The following KAZN variants were observed in gnomAD, a reference collection of about 807,000 sequenced individuals.
KAZN encodes the protein kazrin, periplakin interacting protein, also known as kazrin.
In KAZN, 40 loss-of-function variants were observed where a neutral mutation model predicts 87.4. The observed-to-expected ratio is 0.46, with a 90% CI of 0.36 to 0.60. The LOEUF (loss-of-function observed/expected upper bound fraction) is 0.60. Ranked by LOEUF, KAZN falls within the 20% of genes least tolerant of loss-of-function variation. KAZN has a pLI of 0.00. For synonymous variants in KAZN, 466 were observed against 458.3 expected (o/e 1.02, Z -0.22); for missense variants, 898 against 1,073.9 (o/e 0.84, Z 2.29).
chr1:14,085,359 G>A (rs887693450), intron 1 of KAZN, among the ~76,000 whole-genome samples: 4 of 152,046 alleles, frequency 2.6e-5, no homozygotes, highest in South Asian at 2.1e-4. Context: ...TGTAACCACC[G>A]CCACCAATGT....
chr1:14,649,091 C>A (rs72647639), intron 1 of KAZN, among the ~76,000 whole-genome samples: 95 of 152,300 alleles, frequency 6.2e-4, no homozygotes, highest in Non-Finnish European at 1.1e-3. Flanking sequence ...GCATGGAAGA[C>A]CAGAGACTGG....
intron 8 of KAZN, among the ~76,000 whole-genome samples, chr1:15,076,502 A>G (rs542714707): frequency 6.6e-6 from 1 of 152,270 alleles, no homozygotes; most frequent in Non-Finnish European, 1.5e-5. Context: ...TGGCTGTTGC[A>G]AAGATAAAAT....
In KAZN at chr1:14,599,164, C is replaced by T; in HGVS notation, c.167C>T (p.Ala56Val). 1 of 1,376,436 alleles carries T rather than the reference C, an allele frequency of 7.3e-7. No individual in the cohort carries two copies. Among genetic ancestry groups the T allele is most frequent in the Non-Finnish European group, 9.4e-7 (1 of 1,067,944 alleles). 85.3% of individuals were successfully genotyped at this position (1,376,436 alleles called of 1,614,324 possible). A position where few individuals can be genotyped will look rare whatever the true frequency, so the allele number is the denominator to read the frequency against. The part of the protein sequence containing the change: ...PGPGPGAAAS[A>V]SAAGDSAATN... ...CCGGGCCCGGGAGCCGCGGCCAGCG[C>T]CTCGGCGGCGGGGGACTCGGCGGCG... The change falls in exon 1 of 15, where the codon GCC (alanine) becomes GTC (valine). Residue 56 changes from alanine to valine, a missense_variant. By Grantham distance (64) the Ala-to-Val change is moderately conservative. Transcript: ENST00000376030. The surrounding 1 kb of genome is among the most constrained non-coding windows in gnomAD (Gnocchi z 4.4).
At chr1:14,190,220 A>T (rs1221086385) in intron 2 of KAZN, among the ~76,000 whole-genome samples, 1 of 152,186 alleles carries the variant, frequency 6.6e-6, no homozygotes, top group Admixed American at 6.5e-5. Flanking sequence ...TATACCAACA[A>T]CCTGAAAGTC....
At chr1:14,080,274 T>C (rs543484978) in intron 1 of KAZN, among the ~76,000 whole-genome samples, 1 of 51,890 alleles carries the variant, frequency 1.9e-5, no homozygotes, top group South Asian at 5.4e-4. Context: ...ATATAACTAA[T>C]CTTTCACAAA....
intron 1 of KAZN, among the ~76,000 whole-genome samples, chr1:14,894,713 T>C (rs1390283925): frequency 6.6e-6 from 1 of 152,210 alleles, no homozygotes; most frequent in East Asian, 1.9e-4. Context: ...TGCCTGGAAT[T>C]GGGTACACAG....
At chr1:14,236,488 G>A (rs1022444308) in intron 2 of KAZN, among the ~76,000 whole-genome samples, 4 of 152,190 alleles carry the variant, frequency 2.6e-5, no homozygotes, top group African/African-American at 9.7e-5. Context: ...CCCTCAGGCT[G>A]CTCCTCAAAT....
At chr1:14,663,823 A>G (rs1431732645) in intron 1 of KAZN, among the ~76,000 whole-genome samples, 1 of 152,224 alleles carries the variant, frequency 6.6e-6, no homozygotes, top group Non-Finnish European at 1.5e-5. Context: ...CTAGTTATGT[A>G]CCCAAAAGAA....
intron 2 of KAZN, among the ~76,000 whole-genome samples, chr1:14,479,525 C>T (rs946768581): frequency 2.6e-5 from 4 of 152,210 alleles, no homozygotes; most frequent in Non-Finnish European, 5.9e-5. Context: ...CTTCCACCTC[C>T]ACCACGTTGC....
chr1:14,334,077 C>T (rs820625), intron 2 of KAZN, among the ~76,000 whole-genome samples: 47,959 of 150,994 alleles, frequency 0.32, 8,133 homozygotes, highest in African/African-American at 0.44. Flanking sequence ...AATGGGAAGT[C>T]GGCCAGCCCA....
chr1:14,062,637 G>A (rs1377966066), intron 1 of KAZN, among the ~76,000 whole-genome samples: 1 of 152,124 alleles, frequency 6.6e-6, no homozygotes, highest in African/African-American at 2.4e-5. Flanking sequence ...TAGGAGCTGG[G>A]AATGAGGAAA....
intron 1 of KAZN, among the ~76,000 whole-genome samples, chr1:13,977,690 C>T (rs1052604786): frequency 2.6e-5 from 4 of 152,160 alleles, no homozygotes; most frequent in African/African-American, 7.2e-5. Context: ...GAACTTATAA[C>T]AATGTTGCTA....
chr1:15,003,431 A>G (rs1668700070), intron 2 of KAZN, among the ~76,000 whole-genome samples: 2 of 152,218 alleles, frequency 1.3e-5, no homozygotes, highest in Admixed American at 6.5e-5. Context: ...CAGGGTGTCT[A>G]CATACGTCAA....
intron 1 of KAZN, among the ~76,000 whole-genome samples, chr1:14,686,883 C>G (rs1640986502): frequency 6.6e-6 from 1 of 152,248 alleles, no homozygotes; most frequent in African/African-American, 2.4e-5. Flanking sequence ...GAGGGAAAAG[C>G]CTTCACTGAT....
At chr1:14,422,947 G>T (rs1358767837) in intron 2 of KAZN, among the ~76,000 whole-genome samples, 1 of 152,194 alleles carries the variant, frequency 6.6e-6, no homozygotes, top group Non-Finnish European at 1.5e-5. Flanking sequence ...AGGCTTCTTT[G>T]CCTAAGGGCT....
Position 15,096,669 on chromosome 1 carries a change from C to T in KAZN, c.1547+1736C>T, listed in dbSNP as rs936764315. ...CAGCATGGTTGGGACCTGGGGAGGG[C>T]TCTCTTCCTGGCTTGCAGAAGGCAA... On this transcript the variant is annotated intron_variant, in intron 10 of 14. Coordinates refer to ENST00000376030, the MANE Select transcript of KAZN (RefSeq NM_201628.3). This position sits in a 1 kb window ranked among gnomAD's most constrained non-coding sequence, Gnocchi z 4.5. Among the ~76,000 whole-genome samples the T allele has an allele frequency of 5.9e-5, 9 of 152,328 alleles. No individual in the cohort carries two copies. Among genetic ancestry groups the T allele is most frequent in the African/African-American group, 2.2e-4 (9 of 41,568 alleles).
rs539553596 is a variant in KAZN at position 14,242,792 on chromosome 1, C to T, written c.249+62200C>T. Among the ~76,000 whole-genome samples, 11 of 152,286 alleles carry T rather than the reference C, an allele frequency of 7.2e-5. No individual in the cohort carries two copies. In the South Asian group the frequency reaches 2.3e-3, roughly 32 times the overall value. ...AGCTCTGTTTCCCAGAATCAGTGTC[C>T]TTTGGCAATTCACCATCATTACAAA... On this transcript the variant is annotated intron_variant, in intron 2 of 16. Coordinates refer to the KAZN transcript ENST00000636203.
chr1:14,051,456 C>T (rs1255590058), intron 1 of KAZN, among the ~76,000 whole-genome samples: 1 of 152,120 alleles, frequency 6.6e-6, no homozygotes, highest in Non-Finnish European at 1.5e-5. Context: ...AAGGGTAAAG[C>T]ACAAGATAAA....
At chr1:14,609,781 G>A (rs760924712) in intron 1 of KAZN, among the ~76,000 whole-genome samples, 1 of 152,240 alleles carries the variant, frequency 6.6e-6, no homozygotes, top group African/African-American at 2.4e-5. Flanking sequence ...ATTGAATTGA[G>A]GTAGACGCAG....
Sources: gnomAD v4.1 joint callset for allele counts (sites outside exome capture counted in the v4.1 genomes callset) on GRCh38, gnomAD v4.1.1 for gene constraint, Gnocchi (gnomAD v3.1) non-coding constraint, MANE v1.5 for transcripts, NCBI Gene and HGNC (gene_info 2026-07-23, HGNC 2026-07-21) for gene names.